Variants in PHF20L1 observed in about 807,000 individuals in gnomAD.
PHF20L1 encodes the protein PHD finger protein 20 like 1.
A neutral mutation model predicts 125.5 loss-of-function variants in PHF20L1; 44 were observed. The ratio of observed to expected loss-of-function variants is 0.35; its 90% CI spans 0.28 to 0.45. The LOEUF (loss-of-function observed/expected upper bound fraction) is 0.45. Ranked by LOEUF, PHF20L1 falls within the 20% of genes least tolerant of loss-of-function variation. The pLI, the probability that PHF20L1 is intolerant of heterozygous loss-of-function variation, is 1.00. For synonymous variants in PHF20L1, 380 were observed against 403.1 expected (o/e 0.94, Z 0.69); for missense variants, 1,012 against 1,217.2 (o/e 0.83, Z 2.51).
chr8:132,807,713 G>A (rs1186366715), intron 8 of PHF20L1: 7 of 455,340 alleles, frequency 1.5e-5, no homozygotes, highest in Middle Eastern at 3.2e-4. Flanking sequence ...CTACTTATTC[G>A]TATTGGCAGG....
At chr8:132,840,388 A>G (rs746902045) in intron 18 of PHF20L1, among the ~76,000 whole-genome samples, 1 of 151,814 alleles carries the variant, frequency 6.6e-6, no homozygotes, top group East Asian at 1.9e-4. Flanking sequence ...TACATTTCAC[A>G]TGAACGATTG....
intron 2 of PHF20L1, among the ~76,000 whole-genome samples, chr8:132,792,969 T>TTC (rs1554627942): frequency 6.7e-6 from 1 of 149,868 alleles, no homozygotes; most frequent in Non-Finnish European, 1.5e-5. Context: ...TTTTTCTTTT[T>TTC]TTTTTTTTTT....
rs369047477 is a variant in PHF20L1 at position 132,802,371 on chromosome 8, G to C, written c.508-1448G>C. On this transcript the variant is annotated intron_variant, in intron 6 of 20. Transcript: ENST00000395386. ...CTACCCCTTTCCCTAGCAAATTCCT[G>C]CTTATGTTTAGGGTTCAGCTCATCT... 7.3e-5 allele frequency among the ~76,000 whole-genome samples: 11 copies of C among 151,330 alleles called. No homozygotes were observed. The East Asian group carries it at 1.2e-3, about 16-fold the overall frequency.
At chr8:132,839,053 CCT>C (rs1267721618) in intron 17 of PHF20L1, 5 of 206,522 alleles carry the variant, frequency 2.4e-5, no homozygotes, top group African/African-American at 6.9e-5. Context: ...AGAAATAACC[CCT>C]GTCTAGTTTT....
chr8:132,820,106 C>T (rs1438178592), intron 12 of PHF20L1, among the ~76,000 whole-genome samples: 1 of 151,718 alleles, frequency 6.6e-6, no homozygotes, highest in Non-Finnish European at 1.5e-5. Context: ...GCCCACATGT[C>T]TAGCCACTGT....
At position 132,836,540 on chromosome 8, in the gene PHF20L1, A is replaced by G; in HGVS notation, c.1910A>G (p.Asn637Ser). The G allele has an allele frequency of 6.3e-7, 1 of 1,592,790 alleles. No individual in the cohort carries two copies. The highest frequency in any genetic ancestry group is 8.6e-7 in the Non-Finnish European group (1 of 1,162,064). The stretch of plus-strand genomic sequence containing the variant: ...AGTATACTTTTTGTATATATTCTAG[A>G]CTTATCAGATGTAGACTTCCTAGAT... ...AILSVDLSGE[N>S]LSDVDFLDDS... Residue 637 changes from asparagine to serine, a missense_variant and splice_region_variant, in exon 16 of 21, where the codon AAC (asparagine) becomes AGC (serine). By Grantham distance (46) the Asn-to-Ser change is conservative (BLOSUM62 1). Coordinates refer to ENST00000395386, the MANE Select transcript of PHF20L1 (RefSeq NM_016018.5).
chr8:132,839,241 T>A lies in PHF20L1; in HGVS notation c.2192-146T>A, dbSNP rs200681161. ...GTGGAGGAGCTCTTCCTGCACCAGT[T>A]CCTCAGAACGCTGTCTTACTCTTTT... On this transcript the variant is annotated intron_variant, in intron 17 of 20. Transcript: ENST00000395386. The A allele has an allele frequency of 2.0e-5, 13 of 634,912 alleles. No homozygotes were observed. The East Asian group carries it at 3.0e-4, about 15-fold the overall frequency. The allele number at this position is 634,912 out of a possible 1,614,324, so 39.3% of individuals were successfully genotyped here.
intron 6 of PHF20L1, 120 bp downstream of exon 6, chr8:132,799,292 A>G (rs946581539): frequency 3.4e-6 from 2 of 596,744 alleles, no homozygotes; most frequent in Non-Finnish European, 5.9e-6. Flanking sequence ...CTTTCCTTCT[A>G]CAAATCATAG....
chr8:132,845,946 G>C lies in PHF20L1; in HGVS notation c.*23G>C, dbSNP rs1194836558. On this transcript the variant is annotated 3_prime_UTR_variant, in exon 21 of 21. Coordinates refer to ENST00000395386, the MANE Select transcript of PHF20L1 (RefSeq NM_016018.5). ...TGACAACAGTGAACACTTAATGAAA[G>C]AATGTGGCTTTCTTCAGTCAAAGCA... 7 of 1,591,226 alleles carry C rather than the reference G, an allele frequency of 4.4e-6. No homozygotes were observed. The highest frequency in any genetic ancestry group is 6.0e-6 in the Non-Finnish European group (7 of 1,163,180).
chr8:132,817,167 C>G lies in PHF20L1; in HGVS notation c.1372+91C>G, dbSNP rs944164404. 6.4e-6 allele frequency: 6 copies of G among 935,944 alleles called. No homozygotes were observed. The African/African-American group carries it at 1.0e-4, about 16-fold the overall frequency. The allele number at this position is 935,944 out of a possible 1,614,324, so 58.0% of individuals were successfully genotyped here. ...AGATTATTAAAATATTAAGATATTT[C>G]TGCTCTTATATCTTCTGGAGTTATA... On this transcript the variant is annotated intron_variant, in intron 11 of 20. Transcript: ENST00000395386.
intron 18 of PHF20L1, chr8:132,841,697 T>C (rs1837951063): frequency 1.3e-5 from 2 of 152,126 alleles, no homozygotes. Context: ...TCAAAGATTG[T>C]TGATGGGGTT....
Position 132,848,622 on chromosome 8 carries a change from C to G in PHF20L1, c.*2699C>G, listed in dbSNP as rs1472050591. The G allele has an allele frequency of 6.6e-6, 1 of 152,488 alleles. No homozygotes were observed. The highest frequency in any genetic ancestry group is 1.5e-5 in the Non-Finnish European group (1 of 67,956). The allele number at this position is 152,488 out of a possible 1,614,324, so 9.4% of individuals were successfully genotyped here. On this transcript the variant is annotated 3_prime_UTR_variant, in exon 21 of 21. Transcript: ENST00000395386. ...TCATACTTGTTTGTGGTTCTACTGACTTATTTCCAAACTTAAGAGTAATGT... is the reference window on the plus strand; with the variant it reads ...TCATACTTGTTTGTGGTTCTACTGAGTTATTTCCAAACTTAAGAGTAATGT...
intron 7 of PHF20L1, 71 bp from the exon 8 acceptor site, chr8:132,804,544 G>A (rs1280725348): frequency 8.5e-7 from 1 of 1,183,034 alleles, no homozygotes; most frequent in Non-Finnish European, 1.2e-6. Flanking sequence ...TTACTATTTT[G>A]CTGTTAAAAA....
rs1838378860 is a variant in PHF20L1, at chr8:132,845,769, TCTC to T, written c.2912-11_2912-9del. On this transcript the variant is annotated splice_polypyrimidine_tract_variant and intron_variant, in intron 20 of 20. Coordinates refer to ENST00000395386, the MANE Select transcript of PHF20L1 (RefSeq NM_016018.5). ...TGCAGTTTAAATTTGTTTATCTTCTTCTCTCTTTTAGTTCTGGAAAGCTGGCTT... is the reference window on the plus strand; with the variant it reads ...TGCAGTTTAAATTTGTTTATCTTCTTTCTTTTAGTTCTGGAAAGCTGGCTT... The T allele has an allele frequency of 1.3e-6, 2 of 1,586,408 alleles. No homozygotes were observed. Among genetic ancestry groups the T allele is most frequent in the Admixed American group, 3.4e-5 (2 of 59,440 alleles).
At chr8:132,836,884 T>C (rs1837413286) in intron 16 of PHF20L1, among the ~76,000 whole-genome samples, 163 bp downstream of exon 16, 1 of 152,138 alleles carries the variant, frequency 6.6e-6, no homozygotes, top group African/African-American at 2.4e-5. Flanking sequence ...ATTTCCTCAT[T>C]AAGTAAAGTA....
intron 2 of PHF20L1, among the ~76,000 whole-genome samples, chr8:132,793,820 G>A (rs1832063793): frequency 1.3e-5 from 2 of 152,080 alleles, no homozygotes; most frequent in Non-Finnish European, 2.9e-5. Flanking sequence ...ATTAAAGTGA[G>A]CTTATGCCAT....
chr8:132,818,753 C>G (rs1835252008), intron 12 of PHF20L1: 2 of 151,564 alleles, frequency 1.3e-5, no homozygotes, highest in South Asian at 2.1e-4. Flanking sequence ...TGTCATTGAC[C>G]CATTGAGATA....
intron 13 of PHF20L1, chr8:132,825,045 T>TTGGGATTTCTCAGCACTGC (rs1436099473): frequency 6.8e-7 from 1 of 1,460,258 alleles, no homozygotes. Flanking sequence ...GTATCAGGAG[T>TTGGGATTTCTCAGCACTGC]TGGGATTTCT....
chr8:132,843,851 A>C (rs547631114), intron 19 of PHF20L1: 1 of 982,920 alleles, frequency 1.0e-6, no homozygotes, highest in Non-Finnish European at 1.2e-6. Flanking sequence ...GCCAGTCTAA[A>C]TTAATCAGGA....
Sources: allele counts gnomAD v4.1 joint callset (sites outside exome capture counted in the v4.1 genomes callset), GRCh38; gene constraint gnomAD v4.1.1; transcripts MANE v1.5; gene names NCBI Gene and HGNC (gene_info 2026-07-23, HGNC 2026-07-21).